DIAPH3: variants seen among roughly 807,000 people sequenced by gnomAD.
DIAPH3 encodes the protein diaphanous related formin 3.
A neutral mutation model predicts 144.3 loss-of-function variants in DIAPH3; 117 were observed. The ratio of observed to expected loss-of-function variants is 0.81; its 90% CI spans 0.70 to 0.95. DIAPH3 has a LOEUF of 0.95. Ranked by LOEUF, DIAPH3 falls within the 40% of genes least tolerant of loss-of-function variation. The pLI, the probability that DIAPH3 is intolerant of heterozygous loss-of-function variation, is 0.00. For synonymous variants in DIAPH3, 519 were observed against 488.9 expected (o/e 1.06, Z -0.81); for missense variants, 1,421 against 1,412.7 (o/e 1.01, Z -0.09).
intron 27 of DIAPH3, among the ~76,000 whole-genome samples, chr13:59,727,300 A>C (rs1432586917): frequency 1.3e-5 from 2 of 152,066 alleles, no homozygotes; most frequent in South Asian, 2.1e-4. Context: ...AGCAAAAAAA[A>C]AACAATTGTT....
intron 5 of DIAPH3, among the ~76,000 whole-genome samples, chr13:60,033,468 A>G (rs1296854569): frequency 6.6e-6 from 1 of 152,242 alleles, no homozygotes; most frequent in Non-Finnish European, 1.5e-5. Context: ...TGACACCAGC[A>G]TCTGCTTGCC....
chr13:59,812,369 T>C (rs751046371), intron 24 of DIAPH3, among the ~76,000 whole-genome samples: 7 of 151,008 alleles, frequency 4.6e-5, no homozygotes, highest in Non-Finnish European at 1.0e-4. Context: ...TACTAAATAG[T>C]ATTGTTGTAA....
chr13:59,691,419 CTAGG>C (rs1342473459), intron 27 of DIAPH3, among the ~76,000 whole-genome samples: 1 of 152,114 alleles, frequency 6.6e-6, no homozygotes, highest in Non-Finnish European at 1.5e-5. Context: ...TTACTGATAT[CTAGG>C]TGTTTAGGAA....
chr13:59,774,018 A>G, intron 27 of DIAPH3, 171 bp downstream of exon 27: 1 of 606,592 alleles, frequency 1.6e-6, no homozygotes, highest in Non-Finnish European at 2.9e-6. Flanking sequence ...GCAATAATAT[A>G]AGGATGAAAA....
At chr13:59,700,353 G>A (rs1026690711) in intron 27 of DIAPH3, among the ~76,000 whole-genome samples, 2 of 152,162 alleles carry the variant, frequency 1.3e-5, no homozygotes, top group Admixed American at 6.5e-5. Context: ...AGGGATGAAT[G>A]TGTGCTTGCA....
At chr13:59,697,264 C>G (rs1178683888) in intron 27 of DIAPH3, among the ~76,000 whole-genome samples, 2 of 151,408 alleles carry the variant, frequency 1.3e-5, no homozygotes, top group African/African-American at 4.9e-5. Context: ...TCGAGACCAT[C>G]CTCGCTAACA....
chr13:59,817,842 T>A (rs1024833717), intron 24 of DIAPH3, among the ~76,000 whole-genome samples: 2 of 151,950 alleles, frequency 1.3e-5, no homozygotes, highest in African/African-American at 4.8e-5. Context: ...GACCTAAAGT[T>A]AATTAATATC....
intron 27 of DIAPH3, among the ~76,000 whole-genome samples, chr13:59,755,036 C>T (rs2037187245): frequency 6.6e-6 from 1 of 152,146 alleles, no homozygotes. Context: ...CATTACAGAC[C>T]TATGAACTAT....
At chr13:60,035,961 G>C (rs1035652047) in intron 5 of DIAPH3, among the ~76,000 whole-genome samples, 5 of 151,978 alleles carry the variant, frequency 3.3e-5, no homozygotes, top group Non-Finnish European at 7.4e-5. Flanking sequence ...CTGTTACACC[G>C]ATGACTGCCA....
intron 22 of DIAPH3, among the ~76,000 whole-genome samples, chr13:59,849,913 T>C (rs900958370): frequency 6.8e-6 from 1 of 146,578 alleles, no homozygotes; most frequent in Non-Finnish European, 1.5e-5. Flanking sequence ...TTGGGCAGTA[T>C]GGCCATTTTC....
chr13:59,977,881 T>C (rs1225226766), intron 14 of DIAPH3, among the ~76,000 whole-genome samples: 1 of 151,784 alleles, frequency 6.6e-6, no homozygotes, highest in Non-Finnish European at 1.5e-5. Flanking sequence ...TTGGTTTGGA[T>C]ATGCTCAGCT....
chr13:60,090,781 A>G (rs1033578644), intron 4 of DIAPH3, among the ~76,000 whole-genome samples: 3 of 152,220 alleles, frequency 2.0e-5, no homozygotes, highest in African/African-American at 7.2e-5. Context: ...ACCATCTGCC[A>G]AATTATTCAG....
At chr13:60,060,919 TGTAA>T (rs1218269327) in intron 4 of DIAPH3, among the ~76,000 whole-genome samples, 1 of 152,020 alleles carries the variant, frequency 6.6e-6, no homozygotes, top group Non-Finnish European at 1.5e-5. Context: ...CAAATAACCA[TGTAA>T]GTATCTATTA....
chr13:59,689,608 C>G (rs2033400161), intron 27 of DIAPH3, among the ~76,000 whole-genome samples: 1 of 151,982 alleles, frequency 6.6e-6, no homozygotes. Flanking sequence ...AACGAGAAGA[C>G]TGCTATTCTG....
At chr13:60,102,868 A>T (rs2058311644) in intron 3 of DIAPH3, among the ~76,000 whole-genome samples, 1 of 152,078 alleles carries the variant, frequency 6.6e-6, no homozygotes, top group African/African-American at 2.4e-5. Flanking sequence ...CAAACTTGTG[A>T]CCTTGTGTGG....
Position 59,974,414 on chromosome 13 carries a change from A to G in DIAPH3, c.1588T>C (p.Leu530=). The stretch of plus-strand genomic sequence containing the variant: ...TTAATCTTTGCCTCTTTTTTCTGCA[A>G]TTCAGCCTGAGTTTCTTGGTGGTCG... The part of the protein sequence containing the change: ...FTDHQETQAE[L]QKKEAKINEL... Residue 530 remains leucine (L), a synonymous_variant, in exon 15 of 28, where the codon TTG becomes CTG. Coordinates refer to ENST00000400324, the MANE Select transcript of DIAPH3 (RefSeq NM_001042517.2). The G allele has an allele frequency of 1.2e-6, 2 of 1,612,432 alleles. No individual in the cohort carries two copies. Among genetic ancestry groups the G allele is most frequent in the South Asian group, 1.1e-5 (1 of 91,012 alleles).
chr13:59,835,875 T>C (rs1468712731), intron 23 of DIAPH3, among the ~76,000 whole-genome samples: 1 of 151,844 alleles, frequency 6.6e-6, no homozygotes, highest in Non-Finnish European at 1.5e-5. Context: ...AGAATATAGA[T>C]ATAAGTAAAT....
intron 25 of DIAPH3, among the ~76,000 whole-genome samples, chr13:59,780,983 T>C (rs1367468681): frequency 1.3e-5 from 2 of 152,292 alleles, no homozygotes; most frequent in Middle Eastern, 3.4e-3. Context: ...AGTATATGCC[T>C]GAATCAGAAG....
chr13:59,797,432 A>G (rs1238007238), intron 25 of DIAPH3, among the ~76,000 whole-genome samples: 1 of 152,226 alleles, frequency 6.6e-6, no homozygotes, highest in Non-Finnish European at 1.5e-5. Flanking sequence ...CTGCTAATGA[A>G]GGAAGTATTT....
Sources: allele counts gnomAD v4.1 joint callset (sites outside exome capture counted in the v4.1 genomes callset), GRCh38; gene constraint gnomAD v4.1.1; transcripts MANE v1.5; gene names NCBI Gene and HGNC (gene_info 2026-07-23, HGNC 2026-07-21).